The following CPNE5 variants were observed in gnomAD, a reference collection of about 807,000 sequenced individuals.
The protein encoded by CPNE5 is copine 5, also known as copine-5.
A neutral mutation model predicts 81.1 loss-of-function variants in CPNE5; 42 were observed. That is an observed-to-expected ratio of 0.52 (90% CI 0.40 to 0.67). The LOEUF is 0.67. Ranked by LOEUF, CPNE5 falls within the 30% of genes least tolerant of loss-of-function variation. CPNE5 has a pLI of 0.00. For missense variants in CPNE5, 612 were observed against 815.5 expected, an observed-to-expected ratio of 0.75 and a Z score of 3.04; for synonymous variants, 313 against 321.5, an observed-to-expected ratio of 0.97 and a Z score of 0.28.
intron 9 of CPNE5, among the ~76,000 whole-genome samples, chr6:36,777,238 C>T (rs919988204): frequency 6.6e-6 from 1 of 151,990 alleles, no homozygotes; most frequent in African/African-American, 2.4e-5. Flanking sequence ...TCCTTTTGCC[C>T]CCTTCCTCCC....
intron 18 of CPNE5, 73 bp from the exon 19 acceptor site, chr6:36,744,398 G>A (rs1763895576): frequency 8.3e-7 from 1 of 1,199,508 alleles, no homozygotes; most frequent in South Asian, 1.3e-5. Flanking sequence ...GAGAAATCAG[G>A]GGTAGGACAG....
rs56046087 is a variant in CPNE5, at chr6:36,782,868, C to CAA, written c.529-3913_529-3912dup. On this transcript the variant is annotated intron_variant, in intron 8 of 20. Coordinates refer to ENST00000244751, the MANE Select transcript of CPNE5 (RefSeq NM_020939.2). ...ACACACACACACACACACACACACA[C>CAA]AAAACGGCACAAAGGAGCCAAGGGC... 4.3e-3 allele frequency among the ~76,000 whole-genome samples: 606 copies of CAA among 142,162 alleles called. 6 individuals carry two copies. Among genetic ancestry groups the CAA allele is most frequent in the African/African-American group, 0.015 (579 of 38,340 alleles). 93.3% of individuals were successfully genotyped at this position (142,162 alleles called of 152,430 possible).
rs1001390783 is a variant in CPNE5, at chr6:36,743,020, G to A, written c.1564-534C>T. On this transcript the variant is annotated intron_variant, in intron 20 of 20. Transcript: ENST00000244751. ...CTGCCTCCAGGCCTTAGCATGGGCC[G>A]GTCCCACCTCCCAGGTTGTCTTGCT... The A allele has an allele frequency of 2.5e-5, 25 of 985,272 alleles. No homozygotes were observed. In the South Asian group the frequency reaches 3.3e-4, roughly 13 times the overall value. 61.0% of individuals were successfully genotyped at this position (985,272 alleles called of 1,614,324 possible).
At chr6:36,821,212 G>A (rs949378855) in intron 3 of CPNE5, among the ~76,000 whole-genome samples, 1 of 151,678 alleles carries the variant, frequency 6.6e-6, no homozygotes, top group Non-Finnish European at 1.5e-5. Context: ...AAGAGCAGGT[G>A]AAAAGGCCTG....
chr6:36,787,986 G>A (rs1228466348), intron 8 of CPNE5, among the ~76,000 whole-genome samples: 2 of 152,020 alleles, frequency 1.3e-5, no homozygotes, highest in Non-Finnish European at 2.9e-5. Flanking sequence ...GGAAGTGGAG[G>A]GCAAAGAGCT....
intron 6 of CPNE5, among the ~76,000 whole-genome samples, chr6:36,796,555 G>A (rs1769597514): frequency 6.6e-6 from 1 of 152,238 alleles, no homozygotes; most frequent in Non-Finnish European, 1.5e-5. Context: ...TCAGCACATG[G>A]TTAACACTGA....
At chr6:36,751,886 G>C (rs906609876) in intron 14 of CPNE5, among the ~76,000 whole-genome samples, 1 of 152,178 alleles carries the variant, frequency 6.6e-6, no homozygotes, top group African/African-American at 2.4e-5. Flanking sequence ...GCTATGGACT[G>C]TAAGGGGTGG....
chr6:36,766,334 C>T lies in CPNE5; in HGVS notation c.738-958G>A, dbSNP rs1362860698. 3.3e-5 allele frequency among the ~76,000 whole-genome samples: 5 copies of T among 152,180 alleles called. No homozygotes were observed. Among genetic ancestry groups the T allele is most frequent in the Non-Finnish European group, 7.3e-5 (5 of 68,030 alleles). On this transcript the variant is annotated intron_variant, in intron 10 of 20. Coordinates refer to ENST00000244751, the MANE Select transcript of CPNE5 (RefSeq NM_020939.2). This position sits in a 1 kb window ranked among gnomAD's most constrained non-coding sequence, Gnocchi z 4.2. ...CTTCTGTGGCCCCTCCAGGAGGAGGCGCTGTCTCCTTTCAGATGAGCATCC... is the reference window on the plus strand; with the variant it reads ...CTTCTGTGGCCCCTCCAGGAGGAGGTGCTGTCTCCTTTCAGATGAGCATCC...
intron 13 of CPNE5, chr6:36,754,211 CTTCTT>C (rs1299024305): frequency 3.3e-5 from 4 of 122,576 alleles, no homozygotes; most frequent in African/African-American, 9.9e-5. Flanking sequence ...TTTCAGAGAT[CTTCTT>C]TTTTTTTTTT....
Position 36,791,414 on chromosome 6 carries a change from C to T in CPNE5, c.528+619G>A, listed in dbSNP as rs1196904008. ...CTATTACTTGACAAATACTGACCAT[C>T]ACCATTATGATACTTTATCATTATT... On this transcript the variant is annotated intron_variant, in intron 8 of 20. Transcript: ENST00000244751. Among the ~76,000 whole-genome samples, 6 of 152,194 alleles carry T rather than the reference C, an allele frequency of 3.9e-5. 1 individual carries two copies.
intron 10 of CPNE5, among the ~76,000 whole-genome samples, chr6:36,773,095 G>A (rs1292256602): frequency 6.6e-6 from 1 of 151,932 alleles, no homozygotes; most frequent in East Asian, 1.9e-4. Context: ...TGTTACGCGG[G>A]CTGGTCTTGA....
At chr6:36,812,265 A>G (rs983669391) in intron 3 of CPNE5, among the ~76,000 whole-genome samples, 3 of 152,158 alleles carry the variant, frequency 2.0e-5, no homozygotes, top group African/African-American at 7.2e-5. Context: ...CTGCTTCCTC[A>G]TCTGGGTGTG....
intron 12 of CPNE5, among the ~76,000 whole-genome samples, chr6:36,759,472 AC>A (rs1030418460): frequency 2.0e-5 from 3 of 150,610 alleles, no homozygotes; most frequent in African/African-American, 7.4e-5. Flanking sequence ...GGGTGGGGGC[AC>A]TGAGGGGCTC....
intron 4 of CPNE5, among the ~76,000 whole-genome samples, chr6:36,799,725 A>G (rs1184575916): frequency 1.3e-5 from 2 of 152,182 alleles, no homozygotes; most frequent in African/African-American, 4.8e-5. Context: ...AGCTTGCCTG[A>G]TGCCATCCCC....
At chr6:36,818,048 C>T (rs139324002) in intron 3 of CPNE5, among the ~76,000 whole-genome samples, 14 of 152,268 alleles carry the variant, frequency 9.2e-5, no homozygotes, top group Admixed American at 9.1e-4. Flanking sequence ...TGAAACCCAG[C>T]TCAACTCAGC....
chr6:36,839,490 A>T (rs1773841075), upstream of CPNE5: 1 of 879,012 alleles, frequency 1.1e-6, no homozygotes, highest in Non-Finnish European at 1.7e-6. The surrounding 1 kb of genome is among the most constrained non-coding windows in gnomAD (Gnocchi z 7.3). Flanking sequence ...GCTGGGCGGC[A>T]AGGGGAGGAG....
chr6:36,839,391 C>A lies in CPNE5; in HGVS notation c.-14G>T. 2 of 1,537,516 alleles carry A rather than the reference C, an allele frequency of 1.3e-6. No individual in the cohort carries two copies. Among genetic ancestry groups the A allele is most frequent in the African/African-American group, 1.4e-5 (1 of 72,550 alleles). Reference sequence around the variant, plus strand: ...AGGCTGCTCCATCGCCCACCGCACCCCCCACCCCAAATTAGTCAATCCCTG... The same window carrying A: ...AGGCTGCTCCATCGCCCACCGCACCACCCACCCCAAATTAGTCAATCCCTG... On this transcript the variant is annotated 5_prime_UTR_variant, in exon 1 of 21. Coordinates refer to ENST00000244751, the MANE Select transcript of CPNE5 (RefSeq NM_020939.2). This position sits in a 1 kb window ranked among gnomAD's most constrained non-coding sequence, Gnocchi z 7.3.
Position 36,778,891 on chromosome 6 carries a change from G to T in CPNE5, c.595C>A (p.Pro199Thr). ...TTGCTTCTGTAGAATACCAAGAAGGGGTCAGATTTCCCAAAGAAATCTTTC... is the reference window on the plus strand; with the variant it reads ...TTGCTTCTGTAGAATACCAAGAAGGTGTCAGATTTCCCAAAGAAATCTTTC... ...DKKDFFGKSD[P>T]FLVFYRSNED... Residue 199 changes from proline to threonine, a missense_variant, in exon 9 of 21, where the codon CCC (proline) becomes ACC (threonine). Transcript: ENST00000244751. 6.2e-7 allele frequency: 1 copy of T among 1,606,770 alleles called. No individual in the cohort carries two copies. Among genetic ancestry groups the T allele is most frequent in the Non-Finnish European group, 8.5e-7 (1 of 1,173,832 alleles).
chr6:36,743,315 A>C, intron 20 of CPNE5: 1 of 838,730 alleles, frequency 1.2e-6, no homozygotes, highest in South Asian at 5.4e-5. Context: ...TAACCGAGCA[A>C]TGCCTATTCT....
Sources: allele counts gnomAD v4.1 joint callset (sites outside exome capture counted in the v4.1 genomes callset), GRCh38; gene constraint gnomAD v4.1.1; non-coding constraint Gnocchi (gnomAD v3.1); transcripts MANE v1.5; gene names NCBI Gene and HGNC (gene_info 2026-07-23, HGNC 2026-07-21).